Variants in SGTB observed in about 807,000 individuals in gnomAD.
The protein encoded by SGTB is small glutamine rich tetratricopeptide repeat co-chaperone beta.
Under a neutral mutation model 43.9 loss-of-function variants are expected in SGTB, and 19 were observed. The ratio of observed to expected loss-of-function variants is 0.43; its 90% CI spans 0.30 to 0.63. The LOEUF (loss-of-function observed/expected upper bound fraction) is 0.63, where lower values mean the gene tolerates loss of function less well. Among genes scored for constraint, SGTB ranks in the 30% least tolerant of loss-of-function variants. The probability of loss-of-function intolerance (pLI) is 0.12; values close to 1 mark genes in which losing one functional copy is unlikely to be tolerated. For synonymous variants in SGTB, 116 were observed against 117.3 expected (o/e 0.99, Z 0.07); for missense variants, 304 against 358.9 (o/e 0.85, Z 1.24).
At chr5:65,714,046 C>T (rs535892336) in intron 2 of SGTB, among the ~76,000 whole-genome samples, 11 of 151,290 alleles carry the variant, frequency 7.3e-5, no homozygotes, top group African/African-American at 1.9e-4. Context: ...GACCCCATCT[C>T]GAAAAAACAA....
intron 4 of SGTB, among the ~76,000 whole-genome samples, chr5:65,707,485 A>G (rs1429896599): frequency 6.8e-6 from 1 of 146,366 alleles, no homozygotes; most frequent in East Asian, 2.1e-4. Flanking sequence ...GCCAGGTTGG[A>G]GTACAGTGGC....
chr5:65,697,649 G>A (rs1277851385), intron 5 of SGTB, among the ~76,000 whole-genome samples: 1 of 152,084 alleles, frequency 6.6e-6, no homozygotes, highest in Admixed American at 6.5e-5. Context: ...TTTCTATTTT[G>A]GGGAGCTACA....
At position 65,685,383 on chromosome 5, in the gene SGTB, G is replaced by A. The variant is rs760904171; in HGVS notation, c.464C>T (p.Ala155Val). The A allele has an allele frequency of 1.9e-6, 3 of 1,613,874 alleles. No homozygotes were observed. The African/African-American group carries it at 4.0e-5, about 22-fold the overall frequency. Residue 155 changes from alanine to valine, a missense_variant, in exon 6 of 11, where the codon GCC becomes GTC. By Grantham distance (64) the Ala-to-Val change is moderately conservative. Coordinates refer to ENST00000381007, the MANE Select transcript of SGTB (RefSeq NM_019072.3). ...AIAIDSKYSK[A>V]YGRMGLALTA... ...CAGAACTTACCCCATTCTCCCATAG[G>A]CCTTGCTGTACTTTGAATCAATTGC... is the stretch of plus-strand genomic sequence containing the variant.
Position 65,685,475 on chromosome 5 carries a change from AAGAG to A in SGTB, c.375-7_375-4del. 1.2e-6 allele frequency: 2 copies of A among 1,613,072 alleles called. No homozygotes were observed. The highest frequency in any genetic ancestry group is 1.7e-6 in the Non-Finnish European group (2 of 1,179,630). On this transcript the variant is annotated splice_region_variant and splice_polypyrimidine_tract_variant and intron_variant, in intron 5 of 10. Coordinates refer to ENST00000381007, the MANE Select transcript of SGTB (RefSeq NM_019072.3). Reference sequence around the variant, plus strand: ...CTAATTTGCTCTGAGCAGCAGCCCTAAGAGAAAGAAAACAGAATTTTATTAAAGG... The same window carrying A: ...CTAATTTGCTCTGAGCAGCAGCCCTAAAAGAAAACAGAATTTTATTAAAGG...
chr5:65,713,770 G>A (rs766997498), intron 2 of SGTB, among the ~76,000 whole-genome samples: 2 of 152,190 alleles, frequency 1.3e-5, no homozygotes, highest in Non-Finnish European at 2.9e-5. Context: ...GGTTACGCCT[G>A]TAATCCCAGC....
At chr5:65,704,434 C>G (rs907134242) in intron 4 of SGTB, 56 bp from the exon 5 acceptor site, 2 of 1,250,092 alleles carry the variant, frequency 1.6e-6, no homozygotes, top group Non-Finnish European at 2.2e-6. Flanking sequence ...AAAACATACA[C>G]TCTTATAGAC....
intron 5 of SGTB, 44 bp downstream of exon 5, chr5:65,704,234 TA>T: frequency 7.2e-7 from 1 of 1,384,288 alleles, no homozygotes; most frequent in Admixed American, 2.1e-5. Context: ...GCTATTAATC[TA>T]AATGTTTAAG....
intron 2 of SGTB, 45 bp downstream of exon 2, chr5:65,720,663 C>T (rs1452309866): frequency 1.3e-6 from 2 of 1,579,526 alleles, no homozygotes; most frequent in Admixed American, 2.0e-5. Flanking sequence ...TTTTAGTCTT[C>T]GTTTATAATT....
In SGTB at chr5:65,699,009, G is replaced by A. The variant is rs1157644478; in HGVS notation, c.374+5270C>T. ...AGAACTAAAAGTAGAGTTACCATTCGATCCAGGAATCCCATTACTGGGTAC... is the reference window on the plus strand; with the variant it reads ...AGAACTAAAAGTAGAGTTACCATTCAATCCAGGAATCCCATTACTGGGTAC... On this transcript the variant is annotated intron_variant, in intron 5 of 10. Coordinates refer to ENST00000381007, the MANE Select transcript of SGTB (RefSeq NM_019072.3). Among the ~76,000 whole-genome samples the A allele has an allele frequency of 5.3e-5, 8 of 152,142 alleles. No homozygotes were observed. The East Asian group carries it at 1.2e-3, about 22-fold the overall frequency.
chr5:65,710,561 C>T (rs58758328), intron 3 of SGTB, among the ~76,000 whole-genome samples: 6 of 152,198 alleles, frequency 3.9e-5, no homozygotes, highest in African/African-American at 1.4e-4. Context: ...ATATAACAAC[C>T]AAGTACACTT....
At chr5:65,710,231 G>C (rs751440051) in intron 3 of SGTB, among the ~76,000 whole-genome samples, 2 of 152,088 alleles carry the variant, frequency 1.3e-5, no homozygotes, top group Non-Finnish European at 2.9e-5. Context: ...CTTGGCTTTA[G>C]GGTTCCTTGT....
At chr5:65,671,861 A>G in intron 10 of SGTB, 54 bp downstream of exon 10, 1 of 1,511,486 alleles carries the variant, frequency 6.6e-7, no homozygotes, top group South Asian at 1.2e-5. Context: ...CCATAGAGAT[A>G]GGCTGTAAAA....
intron 5 of SGTB, among the ~76,000 whole-genome samples, chr5:65,704,035 CA>C (rs11405488): frequency 0.021 from 2,745 of 133,266 alleles, 25 homozygotes; most frequent in Admixed American, 0.032. Flanking sequence ...GACTCCGTCT[CA>C]AAAAAAAAAA....
intron 8 of SGTB, among the ~76,000 whole-genome samples, chr5:65,672,744 C>G (rs1349865686): frequency 2.6e-5 from 4 of 152,150 alleles, no homozygotes; most frequent in Non-Finnish European, 5.9e-5. Flanking sequence ...TTAAAACATT[C>G]TATTTTGAAA....
At chr5:65,718,937 T>C (rs540045846) in intron 2 of SGTB, among the ~76,000 whole-genome samples, 2 of 152,352 alleles carry the variant, frequency 1.3e-5, no homozygotes, top group Admixed American at 1.3e-4. Context: ...TTTTCTTAAA[T>C]GACTGCATTT....
At chr5:65,688,330 C>A (rs1757537567) in intron 5 of SGTB, among the ~76,000 whole-genome samples, 1 of 152,192 alleles carries the variant, frequency 6.6e-6, no homozygotes, top group Non-Finnish European at 1.5e-5. Flanking sequence ...AGTGTCTGAT[C>A]TATCACTGAC....
intron 6 of SGTB, among the ~76,000 whole-genome samples, chr5:65,682,027 T>C (rs370322589): frequency 1.1e-4 from 16 of 150,860 alleles, no homozygotes; most frequent in African/African-American, 3.9e-4. Flanking sequence ...TCATTCTACC[T>C]GGGGAAGACA....
intron 2 of SGTB, among the ~76,000 whole-genome samples, chr5:65,717,755 C>A (rs1758178541): frequency 6.6e-6 from 1 of 151,938 alleles, no homozygotes; most frequent in African/African-American, 2.4e-5. Context: ...GATTGCCTGA[C>A]AGCATTAAAG....
chr5:65,689,839 C>T (rs1057452591), intron 5 of SGTB, among the ~76,000 whole-genome samples: 1 of 151,990 alleles, frequency 6.6e-6, no homozygotes, highest in Non-Finnish European at 1.5e-5. Context: ...GAGGCCCTTA[C>T]TTTTCAGACT....
Sources: gnomAD v4.1 joint callset for allele counts (sites outside exome capture counted in the v4.1 genomes callset) on GRCh38, gnomAD v4.1.1 for gene constraint, MANE v1.5 for transcripts, NCBI Gene and HGNC (gene_info 2026-07-23, HGNC 2026-07-21) for gene names.